The following DLG2 variants were observed in gnomAD, a reference collection of about 807,000 sequenced individuals.
DLG2 encodes discs large MAGUK scaffold protein 2, also known as disks large homolog 2.
A neutral mutation model predicts 132.5 loss-of-function variants in DLG2; 45 were observed. The ratio of observed to expected loss-of-function variants is 0.34; its 90% CI spans 0.27 to 0.44. The LOEUF (loss-of-function observed/expected upper bound fraction) is 0.44, where lower values mean the gene tolerates loss of function less well. DLG2 is among the 20% of genes least tolerant of loss of function. DLG2 has a pLI of 1.00. For missense variants in DLG2, 1,045 were observed against 1,196.9 expected, an observed-to-expected ratio of 0.87 and a Z score of 1.87; for synonymous variants, 424 against 419.6, an observed-to-expected ratio of 1.01 and a Z score of -0.13.
intron 6 of DLG2, among the ~76,000 whole-genome samples, chr11:84,708,675 G>T (rs1330754138): frequency 6.6e-6 from 1 of 151,808 alleles, no homozygotes; most frequent in Non-Finnish European, 1.5e-5. Context: ...TCATACTGCT[G>T]TAGCTAGGAA....
rs1462617026 is a variant in DLG2, at chr11:84,262,648, C to G, written c.520-11357G>C. Among the ~76,000 whole-genome samples, 9 of 152,152 alleles carry G rather than the reference C, an allele frequency of 5.9e-5. No homozygotes were observed. The East Asian group carries it at 1.6e-3, about 26-fold the overall frequency. ...ATCACTCGAGCAGTATACACTGCAC[C>G]ATATTTGTAGTCTTCTATCCCCTGA... is the stretch of plus-strand genomic sequence containing the variant. On this transcript the variant is annotated intron_variant, in intron 7 of 27. Transcript: ENST00000376104.
chr11:84,823,632 A>C (rs2077980601), intron 6 of DLG2, among the ~76,000 whole-genome samples: 1 of 141,552 alleles, frequency 7.1e-6, no homozygotes. Context: ...CACACACTTC[A>C]TATTCCCCTG....
At chr11:85,048,200 AT>A (rs2062540752) in intron 6 of DLG2, among the ~76,000 whole-genome samples, 1 of 151,966 alleles carries the variant, frequency 6.6e-6, no homozygotes, top group African/African-American at 2.4e-5. Flanking sequence ...AAATGACTAG[AT>A]TTCAAGATTA....
Position 83,612,360 on chromosome 11 carries a change from G to A in DLG2, c.1940+20851C>T, listed in dbSNP as rs137943970. Among the ~76,000 whole-genome samples, 410 of 152,290 alleles carry A rather than the reference G, an allele frequency of 2.7e-3. 3 individuals are homozygous for A. Among genetic ancestry groups the A allele is most frequent in the African/African-American group, 9.5e-3 (395 of 41,562 alleles). On this transcript the variant is annotated intron_variant, in intron 19 of 27. Transcript: ENST00000376104. ...TTTTATCTCTCACCGAATTGGTGTA[G>A]GGATTAAATAAGGTTAAATGAGAAA...
At chr11:83,842,580 G>A (rs1266319611) in intron 16 of DLG2, among the ~76,000 whole-genome samples, 2 of 145,772 alleles carry the variant, frequency 1.4e-5, no homozygotes, top group African/African-American at 5.1e-5. Flanking sequence ...TGTAGTCCCA[G>A]CACTTTGGGA....
chr11:84,862,817 C>CGGGG (rs71036447), intron 6 of DLG2, among the ~76,000 whole-genome samples: 5 of 46,182 alleles, frequency 1.1e-4, no homozygotes, highest in East Asian at 1.2e-3. Flanking sequence ...CAGGTCCTGT[C>CGGGG]GGGGGGGGGG....
chr11:85,200,145 C>T (rs1274499635), intron 4 of DLG2, among the ~76,000 whole-genome samples: 2 of 152,098 alleles, frequency 1.3e-5, no homozygotes, highest in African/African-American at 4.8e-5. Flanking sequence ...GGGGTCATTT[C>T]GAGAGTGCAC....
At chr11:85,020,582 T>C (rs2059966681) in intron 6 of DLG2, among the ~76,000 whole-genome samples, 1 of 152,194 alleles carries the variant, frequency 6.6e-6, no homozygotes, top group South Asian at 2.1e-4. Flanking sequence ...TCCAGGATTT[T>C]TATGGTTTTA....
At chr11:85,527,191 T>A (rs997930211) in intron 3 of DLG2, among the ~76,000 whole-genome samples, 12 of 149,248 alleles carry the variant, frequency 8.0e-5, no homozygotes, top group African/African-American at 2.7e-4. Flanking sequence ...TTTTTTTTTT[T>A]ATTTTACTTT....
chr11:84,781,189 G>C (rs2071710799), intron 6 of DLG2, among the ~76,000 whole-genome samples: 1 of 151,966 alleles, frequency 6.6e-6, no homozygotes, highest in African/African-American at 2.4e-5. Flanking sequence ...ATGTAAGTTA[G>C]TGTCACAAAG....
At chr11:83,465,810 G>T (rs1297004729) in intron 26 of DLG2, among the ~76,000 whole-genome samples, 2 of 152,182 alleles carry the variant, frequency 1.3e-5, no homozygotes, top group Non-Finnish European at 2.9e-5. Flanking sequence ...TCTTAGAAAG[G>T]TCAAGCAATT....
chr11:85,470,251 T>G (rs539097737), intron 3 of DLG2, among the ~76,000 whole-genome samples: 1 of 139,446 alleles, frequency 7.2e-6, no homozygotes, highest in Non-Finnish European at 1.6e-5. Context: ...TCATTTAAAA[T>G]AGAAAAAAAA....
intron 3 of DLG2, among the ~76,000 whole-genome samples, chr11:85,341,143 G>A (rs1032573245): frequency 2.8e-5 from 4 of 143,392 alleles, no homozygotes; most frequent in Non-Finnish European, 6.1e-5. Flanking sequence ...TTTTGAGACA[G>A]AGCCTCACTC....
chr11:85,277,402 C>A (rs532209610), intron 4 of DLG2, among the ~76,000 whole-genome samples: 1 of 152,072 alleles, frequency 6.6e-6, no homozygotes, highest in Non-Finnish European at 1.5e-5. Context: ...TTGCATCATC[C>A]AAGTAATATT....
chr11:84,695,994 T>C (rs1199712194), intron 6 of DLG2, among the ~76,000 whole-genome samples: 1 of 151,484 alleles, frequency 6.6e-6, no homozygotes, highest in Non-Finnish European at 1.5e-5. Context: ...CCACTACCAA[T>C]GGAAATAGTA....
intron 6 of DLG2, among the ~76,000 whole-genome samples, chr11:84,565,273 G>T (rs1189500457): frequency 6.6e-6 from 1 of 152,162 alleles, no homozygotes; most frequent in Non-Finnish European, 1.5e-5. Flanking sequence ...TTAGCTGGAA[G>T]CATGGGATGT....
chr11:84,425,045 T>C (rs2098961991), intron 7 of DLG2, among the ~76,000 whole-genome samples: 1 of 152,090 alleles, frequency 6.6e-6, no homozygotes, highest in South Asian at 2.1e-4. Flanking sequence ...ATACCTAAAC[T>C]TCCCTAGGAT....
At chr11:85,460,681 C>G (rs554098394) in intron 3 of DLG2, among the ~76,000 whole-genome samples, 2 of 152,164 alleles carry the variant, frequency 1.3e-5, no homozygotes, top group African/African-American at 4.8e-5. Context: ...CCATGATCAC[C>G]CCTCACTTTT....
intron 3 of DLG2, among the ~76,000 whole-genome samples, chr11:85,505,235 T>C (rs1401952960): frequency 6.6e-6 from 1 of 152,228 alleles, no homozygotes; most frequent in Non-Finnish European, 1.5e-5. Context: ...CTGATTACCC[T>C]GGCCAGAACT....
Sources: gnomAD v4.1 joint callset for allele counts (sites outside exome capture counted in the v4.1 genomes callset) on GRCh38, gnomAD v4.1.1 for gene constraint, MANE v1.5 for transcripts, NCBI Gene and HGNC (gene_info 2026-07-23, HGNC 2026-07-21) for gene names.